Variants in SEC16B observed in about 807,000 individuals in gnomAD.
SEC16B encodes the protein protein transport protein Sec16B.
A neutral mutation model predicts 141.8 loss-of-function variants in SEC16B; 115 were observed. The observed-to-expected ratio is 0.81, with a 90% CI of 0.70 to 0.95. SEC16B has a LOEUF of 0.95. Among genes scored for constraint, SEC16B ranks in the 40% least tolerant of loss-of-function variants. The pLI is 0.00. For missense variants in SEC16B, 1,291 were observed against 1,312.3 expected (o/e 0.98, Z 0.25); for synonymous variants, 493 against 492.5 (o/e 1.00, Z -0.01).
chr1:177,977,907 T>A (rs1021339958), intron 1 of SEC16B, among the ~76,000 whole-genome samples: 1 of 152,170 alleles, frequency 6.6e-6, no homozygotes, highest in Non-Finnish European at 1.5e-5. Context: ...AAAAATGAAA[T>A]CTCATTTAAA....
intron 11 of SEC16B, 125 bp from the exon 12 acceptor site, chr1:177,952,120 G>A (rs750900467): frequency 9.6e-5 from 75 of 779,300 alleles, no homozygotes; most frequent in Admixed American, 3.0e-4. Context: ...CATGAGCATC[G>A]CTTTGCTTTC....
At chr1:177,943,716 A>T (rs968173041) in intron 15 of SEC16B, among the ~76,000 whole-genome samples, 4 of 152,244 alleles carry the variant, frequency 2.6e-5, no homozygotes, top group African/African-American at 7.2e-5. Flanking sequence ...TGTGGGAGCC[A>T]CACTGTGCCT....
chr1:177,979,799 A>C (rs1487482824), intron 1 of SEC16B, among the ~76,000 whole-genome samples: 2 of 152,222 alleles, frequency 1.3e-5, no homozygotes, highest in Non-Finnish European at 2.9e-5. Context: ...GGATGGCAGC[A>C]GGCAAAGAGA....
intron 20 of SEC16B, among the ~76,000 whole-genome samples, chr1:177,933,875 C>T (rs567108138): frequency 6.6e-5 from 10 of 152,128 alleles, no homozygotes; most frequent in Admixed American, 2.0e-4. Context: ...TGGTGTGCCA[C>T]CTCTCCAGAA....
At position 177,960,394 on chromosome 1, in the gene SEC16B, T is replaced by C. The variant is rs778300585; in HGVS notation, c.946A>G (p.Asn316Asp). The change falls in exon 8 of 26, where the codon AAT becomes GAT. Residue 316 changes from asparagine (N) to aspartate (D), a missense_variant. Physicochemically the swap from Asn to Asp is conservative, Grantham distance 23. Around this residue, in one of 3 missense-constraint regions of SEC16B, gnomAD observed 681 missense variants for 675.5 expected, o/e 1.01. Coordinates refer to ENST00000308284, the MANE Select transcript of SEC16B (RefSeq NM_033127.4). ...VELHSMEVILNDSEEQEEMRS... is the reference protein window; with the variant it reads ...VELHSMEVILDDSEEQEEMRS... The stretch of plus-strand genomic sequence containing the variant: ...ATCTCCTCTTGCTCTTCGGAATCAT[T>C]AAGAATAACCTGGAATAAAACAATC... 8 of 1,597,214 alleles carry C rather than the reference T, an allele frequency of 5.0e-6. No homozygotes were observed. In the South Asian group the frequency reaches 7.9e-5, roughly 16 times the overall value.
chr1:177,961,865 T>G, intron 5 of SEC16B, 131 bp from the exon 6 acceptor site: 1 of 880,854 alleles, frequency 1.1e-6, no homozygotes, highest in Non-Finnish European at 1.8e-6. Flanking sequence ...ATAATCAAGT[T>G]GATAGGCATT....
chr1:177,937,149 C>A, intron 19 of SEC16B, 65 bp downstream of exon 19: 1 of 1,514,680 alleles, frequency 6.6e-7, no homozygotes, highest in African/African-American at 1.4e-5. Context: ...CACCACCTCC[C>A]TTTCCTGCTT....
At position 177,936,131 on chromosome 1, in the gene SEC16B, C is replaced by T. The variant is rs117440884; in HGVS notation, c.2571+167G>A. 5.7e-4 allele frequency among the ~76,000 whole-genome samples: 87 copies of T among 152,274 alleles called. No homozygotes were observed. In the East Asian group the frequency reaches 0.014, roughly 24 times the overall value. ...GAGCGTAAACAAGAACACAGCCTCC[C>T]GCCCAGCTCCCAGGAGTTGGAATAG... On this transcript the variant is annotated intron_variant, in intron 20 of 25. Transcript: ENST00000308284.
chr1:177,963,936 C>T (rs1005314061), intron 5 of SEC16B, among the ~76,000 whole-genome samples: 9 of 152,134 alleles, frequency 5.9e-5, no homozygotes, highest in Admixed American at 5.2e-4. Context: ...TTGATCCTGT[C>T]AATTTGATAA....
At chr1:177,961,222 G>C (rs978249028) in intron 6 of SEC16B, 3 of 454,052 alleles carry the variant, frequency 6.6e-6, no homozygotes, top group Non-Finnish European at 1.2e-5. Context: ...GGAGTCTCTG[G>C]CTTTCATGGC....
intron 1 of SEC16B, among the ~76,000 whole-genome samples, chr1:177,979,302 G>C (rs994091031): frequency 1.3e-5 from 2 of 152,196 alleles, no homozygotes; most frequent in African/African-American, 4.8e-5. Flanking sequence ...AGAATTCAAA[G>C]ATTAATTTCT....
At chr1:177,983,038 C>G (rs1476514589) in intron 1 of SEC16B, among the ~76,000 whole-genome samples, 1 of 152,136 alleles carries the variant, frequency 6.6e-6, no homozygotes, top group African/African-American at 2.4e-5. Flanking sequence ...ATATCTCAAT[C>G]TGATGAGGCC....
At position 177,930,602 on chromosome 1, in the gene SEC16B, A is replaced by C. The variant is rs1476378542; in HGVS notation, c.3054T>G (p.Leu1018=). The C allele has an allele frequency of 4.3e-6, 7 of 1,613,688 alleles. No individual in the cohort carries two copies. Among genetic ancestry groups the C allele is most frequent in the Non-Finnish European group, 5.9e-6 (7 of 1,179,834 alleles). The change falls in exon 25 of 26, where the codon CTT becomes CTG. Residue 1018 remains leucine, a synonymous_variant. Transcript: ENST00000308284. ...FELCSNPGVL[L]PPPALKGAVP... is the part of the protein sequence containing the mutation. Reference sequence around the variant, plus strand: ...CAGCCCCTTTTAAGGCAGGTGGAGGAAGAAGAACACCAGGGTTGGAGCAGA... The same window carrying C: ...CAGCCCCTTTTAAGGCAGGTGGAGGCAGAAGAACACCAGGGTTGGAGCAGA...
At chr1:177,939,680 C>T in intron 18 of SEC16B, 22 bp downstream of exon 18, 1 of 1,542,026 alleles carries the variant, frequency 6.5e-7, no homozygotes, top group Non-Finnish European at 8.9e-7. Flanking sequence ...TATGTATATG[C>T]TCAGTTCATC....
rs1182382786 is a variant in SEC16B, at chr1:177,940,650, A to G, written c.2087T>C (p.Leu696Pro). The change falls in exon 17 of 26, where the codon CTG (leucine) becomes CCG (proline). Residue 696 changes from leucine (L) to proline (P), a missense_variant. Around this residue, in one of 3 missense-constraint regions of SEC16B, gnomAD observed 605 missense variants for 614.1 expected, o/e 0.99. Coordinates refer to ENST00000308284, the MANE Select transcript of SEC16B (RefSeq NM_033127.4). ...VLERRSGDRDLEPDWLAQLRR... is the reference protein window; with the variant it reads ...VLERRSGDRDPEPDWLAQLRR... ...AAGTTGCGCTAGCCAATCTGGCTCC[A>G]GGTCCCTGTCTCCACTGCGTCTTTC... The G allele has an allele frequency of 1.9e-6, 3 of 1,613,894 alleles. No individual in the cohort carries two copies. Among genetic ancestry groups the G allele is most frequent in the African/African-American group, 2.7e-5 (2 of 75,042 alleles).
At chr1:177,976,696 C>A (rs904576864) in intron 1 of SEC16B, among the ~76,000 whole-genome samples, 1 of 152,098 alleles carries the variant, frequency 6.6e-6, no homozygotes, top group African/African-American at 2.4e-5. Flanking sequence ...ACAAAATGCA[C>A]AATAAATGTT....
intron 14 of SEC16B, among the ~76,000 whole-genome samples, chr1:177,945,006 GAC>G (rs1188726259): frequency 6.6e-6 from 1 of 152,194 alleles, no homozygotes; most frequent in Non-Finnish European, 1.5e-5. Flanking sequence ...CCTACTCTTA[GAC>G]ACACAGAGAG....
At chr1:177,980,761 A>C (rs1654373579) in intron 1 of SEC16B, among the ~76,000 whole-genome samples, 1 of 105,188 alleles carries the variant, frequency 9.5e-6, no homozygotes, top group African/African-American at 3.6e-5. Context: ...TTCTCTGCGA[A>C]AAAAAAAAAG....
intron 14 of SEC16B, chr1:177,946,102 G>T (rs2101933389): frequency 1.8e-6 from 1 of 567,022 alleles, no homozygotes; most frequent in Non-Finnish European, 3.1e-6. Flanking sequence ...GTAAAATGTT[G>T]TTTTTTTAAA....
Sources: gnomAD v4.1 joint callset for allele counts (sites outside exome capture counted in the v4.1 genomes callset) on GRCh38, gnomAD v4.1.1 for gene constraint, gnomAD v4.1.1 regional missense constraint, MANE v1.5 for transcripts, NCBI Gene and HGNC (gene_info 2026-07-23, HGNC 2026-07-21) for gene names.